The following AP3B1 variants were observed in gnomAD, a reference collection of about 807,000 sequenced individuals.
AP3B1 encodes AP-3 complex subunit beta-1.
AP3B1 carries 61 observed loss-of-function variants against 132.5 expected under a neutral mutation model. That is an observed-to-expected ratio of 0.46 (90% CI 0.37 to 0.57). The LOEUF (loss-of-function observed/expected upper bound fraction) is 0.57, where lower values mean the gene tolerates loss of function less well. Ranked by LOEUF, AP3B1 falls within the 20% of genes least tolerant of loss-of-function variation. The pLI is 0.00. For missense variants in AP3B1, 1,120 were observed against 1,289.4 expected (o/e 0.87, Z 2.01); for synonymous variants, 388 against 438.3 (o/e 0.89, Z 1.43).
chr5:78,219,937 C>A (rs1166331216), intron 6 of AP3B1, among the ~76,000 whole-genome samples: 2 of 152,046 alleles, frequency 1.3e-5, no homozygotes, highest in Non-Finnish European at 2.9e-5. Flanking sequence ...CTGCTGCTGG[C>A]AACAAATAAA....
At chr5:78,207,257 CAAAAAAAAAA>C (rs35228759) in intron 7 of AP3B1, among the ~76,000 whole-genome samples, 1 of 116,142 alleles carries the variant, frequency 8.6e-6, no homozygotes, top group Non-Finnish European at 1.7e-5. Flanking sequence ...GACTCAGTGT[CAAAAAAAAAA>C]AAAAAAAAAA....
chr5:78,270,829 A>C (rs1284313907), intron 1 of AP3B1, among the ~76,000 whole-genome samples: 1 of 152,146 alleles, frequency 6.6e-6, no homozygotes, highest in Admixed American at 6.5e-5. Context: ...GATACCCATG[A>C]CCACTACTCT....
chr5:78,276,886 G>C (rs377155690), intron 1 of AP3B1, among the ~76,000 whole-genome samples: 2 of 90,936 alleles, frequency 2.2e-5, no homozygotes, highest in African/African-American at 6.2e-5. Context: ...AAAAAAAGAA[G>C]AAGAAGCAAA....
chr5:78,055,435 T>C (rs548911739), intron 22 of AP3B1, among the ~76,000 whole-genome samples: 17 of 152,354 alleles, frequency 1.1e-4, no homozygotes, highest in African/African-American at 4.1e-4. Context: ...TTCTCTGTGC[T>C]TGTATTTGTA....
In AP3B1 at chr5:78,049,863, T is replaced by G. The variant is rs1748504550; in HGVS notation, c.2578-10589A>C. 2.6e-5 allele frequency among the ~76,000 whole-genome samples: 4 copies of G among 152,294 alleles called. No individual in the cohort carries two copies. In the South Asian group the frequency reaches 8.3e-4, roughly 32 times the overall value. On this transcript the variant is annotated intron_variant, in intron 22 of 26. Transcript: ENST00000255194. ...GAAATAATTTGTACACCAAACTCCGTGATATGAGTTTACCTGTATAACAAA... is the reference window on the plus strand; with the variant it reads ...GAAATAATTTGTACACCAAACTCCGGGATATGAGTTTACCTGTATAACAAA...
intron 22 of AP3B1, among the ~76,000 whole-genome samples, chr5:78,047,070 G>T (rs1433410299): frequency 6.6e-6 from 1 of 152,104 alleles, no homozygotes; most frequent in Admixed American, 6.5e-5. Context: ...CATGGTGTAT[G>T]TGTGCCACAT....
In AP3B1 at chr5:78,292,429, A is replaced by C. The variant is rs569678031; in HGVS notation, c.128+2023T>G. Among the ~76,000 whole-genome samples, 6 of 152,330 alleles carry C rather than the reference A, an allele frequency of 3.9e-5. No homozygotes were observed. The South Asian group carries it at 1.2e-3, about 32-fold the overall frequency. ...TTGTGAGTTGTATGCACTCACTAATAAAAATACCATACATTTCATCAAGTA... is the reference window on the plus strand; with the variant it reads ...TTGTGAGTTGTATGCACTCACTAATCAAAATACCATACATTTCATCAAGTA... On this transcript the variant is annotated intron_variant, in intron 1 of 26. Transcript: ENST00000255194.
chr5:78,252,455 T>A (rs1469733107), intron 2 of AP3B1, among the ~76,000 whole-genome samples: 1 of 152,198 alleles, frequency 6.6e-6, no homozygotes, highest in African/African-American at 2.4e-5. Flanking sequence ...GGGAGCCCAC[T>A]GTCCTGAAGG....
rs142264596 is a variant in AP3B1 at position 78,197,850 on chromosome 5, T to C, written c.787-16188A>G. Among the ~76,000 whole-genome samples the C allele has an allele frequency of 1.0e-3, 159 of 152,262 alleles. 1 individual carries two copies. The highest frequency in any genetic ancestry group is 3.7e-3 in the African/African-American group (155 of 41,554). Reference sequence around the variant, plus strand: ...ATGTGAGCAGTAACAATGGACTTAGTAGAAATAAAAAACAACTTCAGCTTA... The same window carrying C: ...ATGTGAGCAGTAACAATGGACTTAGCAGAAATAAAAAACAACTTCAGCTTA... On this transcript the variant is annotated intron_variant, in intron 7 of 26. Coordinates refer to ENST00000255194, the MANE Select transcript of AP3B1 (RefSeq NM_003664.5).
At chr5:78,241,896 A>C (rs1747155342) in intron 2 of AP3B1, among the ~76,000 whole-genome samples, 1 of 152,156 alleles carries the variant, frequency 6.6e-6, no homozygotes, top group Non-Finnish European at 1.5e-5. Context: ...GATACCAAAA[A>C]CCACAAAATT....
intron 3 of AP3B1, among the ~76,000 whole-genome samples, chr5:78,239,594 C>T (rs1017071717): frequency 2.0e-5 from 3 of 149,146 alleles, no homozygotes; most frequent in Non-Finnish European, 4.5e-5. Context: ...GGCCACATGG[C>T]GAAACCCTGT....
intron 26 of AP3B1, among the ~76,000 whole-genome samples, chr5:78,012,637 T>C (rs1224828563): frequency 5.3e-5 from 8 of 152,356 alleles, no homozygotes; most frequent in Admixed American, 4.6e-4. Flanking sequence ...GGTATTTTAT[T>C]GACTTTTGAC....
intron 17 of AP3B1, among the ~76,000 whole-genome samples, chr5:78,117,270 T>A (rs1458566075): frequency 6.6e-6 from 1 of 151,398 alleles, no homozygotes; most frequent in African/African-American, 2.4e-5. Context: ...CCTGGTAGAA[T>A]GTAAGTTTCT....
At chr5:78,098,939 T>A (rs1751014953) in intron 21 of AP3B1, among the ~76,000 whole-genome samples, 1 of 152,006 alleles carries the variant, frequency 6.6e-6, no homozygotes, top group Non-Finnish European at 1.5e-5. Flanking sequence ...AACAAGAAGG[T>A]TTGTGCTATG....
intron 2 of AP3B1, among the ~76,000 whole-genome samples, chr5:78,255,645 G>C (rs1747817721): frequency 6.6e-6 from 1 of 152,038 alleles, no homozygotes; most frequent in South Asian, 2.1e-4. Flanking sequence ...TGCAATAACA[G>C]CTAGGAGACT....
chr5:78,231,045 G>A (rs557355775), intron 3 of AP3B1, among the ~76,000 whole-genome samples: 8 of 152,020 alleles, frequency 5.3e-5, no homozygotes, highest in East Asian at 2.0e-4. Flanking sequence ...GCTGGAACCC[G>A]GGAGGCAGAG....
chr5:78,033,975 A>C (rs1580262661), intron 24 of AP3B1, among the ~76,000 whole-genome samples: 1 of 151,954 alleles, frequency 6.6e-6, no homozygotes, highest in East Asian at 1.9e-4. Context: ...TATATCTCAA[A>C]AGATATCTTC....
chr5:78,243,273 C>CCATTCATT (rs148044734), intron 2 of AP3B1, among the ~76,000 whole-genome samples: 2,281 of 151,808 alleles, frequency 0.015, 53 homozygotes, highest in African/African-American at 0.041. Flanking sequence ...AGGACCCCTG[C>CCATTCATT]CATTCATTCA....
chr5:78,241,512 G>A (rs1561496690), intron 2 of AP3B1, among the ~76,000 whole-genome samples: 1 of 152,062 alleles, frequency 6.6e-6, no homozygotes, highest in Non-Finnish European at 1.5e-5. Flanking sequence ...ATTGAGAGAG[G>A]GATGAATGTT....
Sources: allele counts gnomAD v4.1 joint callset (sites outside exome capture counted in the v4.1 genomes callset), GRCh38; gene constraint gnomAD v4.1.1; transcripts MANE v1.5; gene names NCBI Gene and HGNC (gene_info 2026-07-23, HGNC 2026-07-21).